Variants in SAMSN1 observed in about 807,000 individuals in gnomAD.
SAMSN1 encodes SAM domain, SH3 domain and nuclear localization signals 1.
A neutral mutation model predicts 42.0 loss-of-function variants in SAMSN1; 31 were observed. That is an observed-to-expected ratio of 0.74 (90% confidence interval 0.55 to 1.00). The LOEUF (loss-of-function observed/expected upper bound fraction) is 1.00, where lower values mean the gene tolerates loss of function less well. Among genes scored for constraint, SAMSN1 ranks in the 50% least tolerant of loss-of-function variants. SAMSN1 has a pLI of 0.00. For synonymous variants in SAMSN1, 178 were observed against 151.9 expected, an observed-to-expected ratio of 1.17 and a Z score of -1.26; for missense variants, 464 against 439.4, an observed-to-expected ratio of 1.06 and a Z score of -0.50.
chr21:14,506,276 C>A (rs1175260091), intron 5 of SAMSN1, among the ~76,000 whole-genome samples: 1 of 151,980 alleles, frequency 6.6e-6, no homozygotes, highest in African/African-American at 2.4e-5. Context: ...ATAAATGAAA[C>A]AAAAAGCTGT....
chr21:14,532,019 A>G (rs563488737), intron 1 of SAMSN1, among the ~76,000 whole-genome samples: 1 of 152,132 alleles, frequency 6.6e-6, no homozygotes, highest in Non-Finnish European at 1.5e-5. Context: ...CTACTTTTAA[A>G]TGAGTGTGTC....
chr21:14,563,655 A>ACT (rs577054254), intron 2 of SAMSN1, among the ~76,000 whole-genome samples: 2 of 152,328 alleles, frequency 1.3e-5, no homozygotes, highest in South Asian at 4.1e-4. Context: ...TTCCCCAGTA[A>ACT]CTAAGCCCTG....
At chr21:14,606,991 T>C (rs1401292308) in intron 5 of SAMSN1, among the ~76,000 whole-genome samples, 4 of 152,236 alleles carry the variant, frequency 2.6e-5, no homozygotes, top group African/African-American at 9.6e-5. Flanking sequence ...TGTAGAAATA[T>C]CATTTTGAAA....
chr21:14,633,887 C>T (rs1320370338), intron 2 of SAMSN1, among the ~76,000 whole-genome samples: 1 of 152,112 alleles, frequency 6.6e-6, no homozygotes, highest in East Asian at 1.9e-4. Context: ...GGACACATAT[C>T]ATATTGTTTG....
At chr21:14,659,236 A>T (rs140258191), upstream of SAMSN1, among the ~76,000 whole-genome samples, 429 of 152,138 alleles carry the variant, frequency 2.8e-3, 2 homozygotes, top group Middle Eastern at 0.01. Context: ...GATTCGCTAC[A>T]TGACAAGATA....
chr21:14,542,334 G>T (rs1314564302), intron 1 of SAMSN1, among the ~76,000 whole-genome samples: 1 of 152,126 alleles, frequency 6.6e-6, no homozygotes. Flanking sequence ...CTTCTTCAAG[G>T]TAATTGACCT....
chr21:14,580,372 G>A (rs572225363), intron 2 of SAMSN1, among the ~76,000 whole-genome samples: 1 of 152,312 alleles, frequency 6.6e-6, no homozygotes, highest in African/African-American at 2.4e-5. Context: ...TTTTATTCTT[G>A]AAGAAAACTC....
chr21:14,508,420 G>T (rs1360636086), intron 5 of SAMSN1, among the ~76,000 whole-genome samples: 1 of 151,978 alleles, frequency 6.6e-6, no homozygotes, highest in East Asian at 1.9e-4. Context: ...ATTCTCAAAA[G>T]AAGATACACA....
intron 2 of SAMSN1, among the ~76,000 whole-genome samples, chr21:14,580,249 T>TGGCAGTTC (rs1301341859): frequency 6.6e-6 from 1 of 152,218 alleles, no homozygotes; most frequent in Non-Finnish European, 1.5e-5. Flanking sequence ...TCATTCAGTT[T>TGGCAGTTC]GGCAGTTCGG....
intron 7 of SAMSN1, among the ~76,000 whole-genome samples, chr21:14,488,122 T>A (rs1490885797): frequency 6.6e-6 from 1 of 152,172 alleles, no homozygotes; most frequent in African/African-American, 2.4e-5. Flanking sequence ...CTGTGTTCCA[T>A]TATCCAAGTG....
intron 4 of SAMSN1, 50 bp from the exon 5 acceptor site, chr21:14,510,511 G>C (rs765883317): frequency 6.3e-7 from 1 of 1,599,410 alleles, no homozygotes; most frequent in East Asian, 2.2e-5. Context: ...ATAACATTCT[G>C]AATCATCATC....
At chr21:14,619,681 C>T in intron 2 of SAMSN1, 2 of 321,200 alleles carry the variant, frequency 6.2e-6, no homozygotes, top group Admixed American at 4.1e-5. Flanking sequence ...ATTCCTATAA[C>T]AAAAGAGAGA....
At chr21:14,537,436 C>T (rs937822201) in intron 1 of SAMSN1, among the ~76,000 whole-genome samples, 4 of 151,972 alleles carry the variant, frequency 2.6e-5, no homozygotes, top group Admixed American at 6.6e-5. Flanking sequence ...CTTATTTATC[C>T]TATTTATTGT....
chr21:14,607,802 T>C (rs2822808), intron 5 of SAMSN1, among the ~76,000 whole-genome samples: 11,408 of 152,208 alleles, frequency 0.075, 1,177 homozygotes, highest in African/African-American at 0.24. Context: ...TTGAAGAAAT[T>C]TATGGAAAAA....
At chr21:14,625,211 C>A (rs567000132) in intron 2 of SAMSN1, among the ~76,000 whole-genome samples, 15 of 152,106 alleles carry the variant, frequency 9.9e-5, no homozygotes, top group Non-Finnish European at 2.2e-4. Context: ...CCTTTGAAAA[C>A]TGGCACAAGA....
chr21:14,628,405 G>T (rs1477413799), intron 2 of SAMSN1, among the ~76,000 whole-genome samples: 1 of 151,730 alleles, frequency 6.6e-6, no homozygotes, highest in Non-Finnish European at 1.5e-5. Context: ...TACAATTATT[G>T]TGTCAACTAA....
intron 5 of SAMSN1, among the ~76,000 whole-genome samples, chr21:14,608,304 G>C (rs746450243): frequency 6.6e-6 from 1 of 152,190 alleles, no homozygotes; most frequent in Non-Finnish European, 1.5e-5. Context: ...ATTTGTGCTT[G>C]GGGAAGGGAG....
At chr21:14,595,793 C>T (rs1982243378) in intron 6 of SAMSN1, among the ~76,000 whole-genome samples, 1 of 152,062 alleles carries the variant, frequency 6.6e-6, no homozygotes. Flanking sequence ...AGCCAAAGAG[C>T]AAGAGGTTTG....
intron 6 of SAMSN1, chr21:14,597,850 G>A (rs928802276): frequency 1.3e-5 from 2 of 152,130 alleles, no homozygotes; most frequent in Middle Eastern, 3.2e-3. Context: ...ATTACATCCA[G>A]CTCCAGGCAG....
Sources: allele counts gnomAD v4.1 joint callset (sites outside exome capture counted in the v4.1 genomes callset), GRCh38; gene constraint gnomAD v4.1.1; transcripts MANE v1.5; gene names NCBI Gene and HGNC (gene_info 2026-07-23, HGNC 2026-07-21).